Variants in PACRG observed in about 807,000 individuals in gnomAD.
The protein encoded by PACRG is parkin coregulated gene protein.
A neutral mutation model predicts 29.7 loss-of-function variants in PACRG; 29 were observed. The observed-to-expected ratio is 0.98, with a 90% CI of 0.73 to 1.33. The LOEUF (loss-of-function observed/expected upper bound fraction) is 1.33. PACRG is among the 40% of genes most tolerant of loss of function. The probability of loss-of-function intolerance (pLI) is 0.00; values close to 1 mark genes in which losing one functional copy is unlikely to be tolerated. For missense variants in PACRG, 279 were observed against 316.2 expected (o/e 0.88, Z 0.89); for synonymous variants, 116 against 118.7 (o/e 0.98, Z 0.15).
Position 162,997,229 on chromosome 6 carries a change from A to G in PACRG, c.292-64921A>G, listed in dbSNP as rs578121633. ...AGAAAATATAGAGCAAATCTACATA[A>G]GGCAAAAACCCTAAAGATTTGTTTG... On this transcript the variant is annotated intron_variant, in intron 2 of 4. Transcript: ENST00000366888. Among the ~76,000 whole-genome samples the G allele has an allele frequency of 4.5e-4, 68 of 152,330 alleles. 1 individual carries two copies. In the South Asian group the frequency reaches 0.014, roughly 31 times the overall value.
At chr6:163,109,137 A>G (rs1815567003) in intron 4 of PACRG, among the ~76,000 whole-genome samples, 1 of 152,228 alleles carries the variant, frequency 6.6e-6, no homozygotes, top group Non-Finnish European at 1.5e-5. Context: ...GTCATATTTC[A>G]TATTGGCAAA....
At chr6:163,001,409 C>T (rs770824600) in intron 2 of PACRG, among the ~76,000 whole-genome samples, 5 of 152,266 alleles carry the variant, frequency 3.3e-5, no homozygotes, top group Admixed American at 6.5e-5. Flanking sequence ...CTCCAGAGAA[C>T]GTCCCATAAG....
intron 1 of PACRG, among the ~76,000 whole-genome samples, chr6:162,746,772 T>G (rs1173998941): frequency 6.6e-6 from 1 of 152,220 alleles, no homozygotes; most frequent in African/African-American, 2.4e-5. Flanking sequence ...GTGAAAGTGA[T>G]TCCGCTCAGA....
chr6:162,870,811 T>G (rs989803541), intron 2 of PACRG, among the ~76,000 whole-genome samples: 1 of 152,222 alleles, frequency 6.6e-6, no homozygotes, highest in African/African-American at 2.4e-5. Context: ...ACATATTTAT[T>G]ACCTTTACTT....
chr6:162,997,088 A>G (rs1282387613), intron 2 of PACRG, among the ~76,000 whole-genome samples: 3 of 152,220 alleles, frequency 2.0e-5, no homozygotes, highest in African/African-American at 4.8e-5. Flanking sequence ...GTGATGTTCA[A>G]TGAATGAACA....
At chr6:162,847,753 A>G (rs1380554323) in intron 2 of PACRG, among the ~76,000 whole-genome samples, 1 of 152,102 alleles carries the variant, frequency 6.6e-6, no homozygotes, top group African/African-American at 2.4e-5. Context: ...CAAGATTCAC[A>G]GTAGTTCTGA....
chr6:163,109,125 G>C (rs978378889), intron 4 of PACRG, among the ~76,000 whole-genome samples: 2 of 152,190 alleles, frequency 1.3e-5, no homozygotes, highest in Non-Finnish European at 2.9e-5. Context: ...GCTGGATTCA[G>C]TGTCATATTT....
rs534390840 is a variant in PACRG, at chr6:162,743,570, A to G, written c.156+15179A>G. 6.2e-4 allele frequency among the ~76,000 whole-genome samples: 95 copies of G among 152,222 alleles called. 1 individual carries two copies. The highest frequency in any genetic ancestry group is 6.8e-3 in the Middle Eastern group (2 of 292). On this transcript the variant is annotated intron_variant, in intron 1 of 4. Coordinates refer to ENST00000366888, the MANE Select transcript of PACRG (RefSeq NM_001080379.2). ...TCTTTGTATGCTATCTCTCGAACTGACATACCAATTCTTCCAGTTTTGATA... is the reference window on the plus strand; with the variant it reads ...TCTTTGTATGCTATCTCTCGAACTGGCATACCAATTCTTCCAGTTTTGATA...
At chr6:163,246,807 G>A (rs934002742) in intron 4 of PACRG, among the ~76,000 whole-genome samples, 1 of 151,950 alleles carries the variant, frequency 6.6e-6, no homozygotes, top group Non-Finnish European at 1.5e-5. Context: ...TAGCACCAAG[G>A]AAAAAAATAC....
intron 4 of PACRG, among the ~76,000 whole-genome samples, chr6:163,130,405 C>T (rs1308302358): frequency 1.3e-5 from 2 of 152,124 alleles, no homozygotes; most frequent in Non-Finnish European, 2.9e-5. Flanking sequence ...CTAATTTTTC[C>T]CCACTTTGCC....
chr6:162,750,310 A>G (rs1781422416), intron 1 of PACRG, among the ~76,000 whole-genome samples: 1 of 152,220 alleles, frequency 6.6e-6, no homozygotes, highest in Admixed American at 6.5e-5. Context: ...ATGATAGCAC[A>G]TTAAACTGGA....
At chr6:163,100,550 C>T (rs568056042) in intron 4 of PACRG, among the ~76,000 whole-genome samples, 1 of 152,280 alleles carries the variant, frequency 6.6e-6, no homozygotes, top group East Asian at 1.9e-4. Flanking sequence ...GCCAGTTCCC[C>T]GCGACTCTTT....
intron 2 of PACRG, among the ~76,000 whole-genome samples, chr6:162,970,268 T>A (rs1801414454): frequency 6.6e-6 from 1 of 152,158 alleles, no homozygotes; most frequent in Admixed American, 6.5e-5. Flanking sequence ...AAATGCCACG[T>A]GGAGCTAAGG....
In PACRG at chr6:163,107,165, G is replaced by A. The variant is rs532283537; in HGVS notation, c.613+17757G>A. 3.3e-5 allele frequency among the ~76,000 whole-genome samples: 5 copies of A among 152,168 alleles called. 1 individual carries two copies. The South Asian group carries it at 1.0e-3, about 32-fold the overall frequency. ...GAAAAGCACAAGGGCATTTTAGTAG[G>A]TAGAGAGATTAAAACCTAAAACCAT... On this transcript the variant is annotated intron_variant, in intron 4 of 4. Transcript: ENST00000366888.
At chr6:162,928,489 CA>C (rs1300360517) in intron 2 of PACRG, among the ~76,000 whole-genome samples, 1 of 151,666 alleles carries the variant, frequency 6.6e-6, no homozygotes, top group African/African-American at 2.4e-5. Flanking sequence ...TGTATTGATA[CA>C]TAATAGATTT....
intron 4 of PACRG, among the ~76,000 whole-genome samples, chr6:163,198,874 ATGTGAGAAGTACACTGGTTTGGTCT>A (rs1228980955): frequency 6.6e-6 from 1 of 151,964 alleles, no homozygotes; most frequent in African/African-American, 2.4e-5. Context: ...CAGTCAGTAC[ATGTGAGAAGTACACTGGTTTGGTCT>A]GAAAAGGCAG....
intron 4 of PACRG, among the ~76,000 whole-genome samples, chr6:163,214,318 AGTTTC>A (rs1781276948): frequency 6.6e-6 from 1 of 152,102 alleles, no homozygotes; most frequent in Admixed American, 6.5e-5. Flanking sequence ...CTTACTGGGG[AGTTTC>A]TACCCATTCT....
At chr6:163,192,077 G>A in intron 4 of PACRG, 1 of 211,050 alleles carries the variant, frequency 4.7e-6, no homozygotes, top group Non-Finnish European at 9.7e-6. Context: ...AAGCACAGTT[G>A]TGCAGCTGCC....
intron 2 of PACRG, among the ~76,000 whole-genome samples, chr6:163,038,068 G>T (rs1294696167): frequency 6.6e-6 from 1 of 152,158 alleles, no homozygotes; most frequent in African/African-American, 2.4e-5. Context: ...ATTTACCATA[G>T]GCAGCTGATG....
Sources: gnomAD v4.1 joint callset for allele counts (sites outside exome capture counted in the v4.1 genomes callset) on GRCh38, gnomAD v4.1.1 for gene constraint, MANE v1.5 for transcripts, NCBI Gene and HGNC (gene_info 2026-07-23, HGNC 2026-07-21) for gene names.